The following P3H2 variants were observed in gnomAD, a reference collection of about 807,000 sequenced individuals.
P3H2 encodes leprecan-like 1.
In P3H2, 80 loss-of-function variants were observed where a neutral mutation model predicts 87.0. The observed-to-expected ratio is 0.92, with a 90% CI of 0.77 to 1.11. The LOEUF (loss-of-function observed/expected upper bound fraction) is 1.11. Among genes scored for constraint, P3H2 ranks in the 50% least tolerant of loss-of-function variants. The pLI, the probability that P3H2 is intolerant of heterozygous loss-of-function variation, is 0.00. For synonymous variants in P3H2, 367 were observed against 359.3 expected, an observed-to-expected ratio of 1.02 and a Z score of -0.24; for missense variants, 1,001 against 923.9, an observed-to-expected ratio of 1.08 and a Z score of -1.08.
intron 1 of P3H2, among the ~76,000 whole-genome samples, chr3:190,007,809 ATTTT>A: frequency 6.9e-6 from 1 of 144,244 alleles, no homozygotes; most frequent in East Asian, 2.0e-4. Context: ...CAGCGTTCAG[ATTTT>A]TTTTTTTTTA....
At chr3:190,050,739 AT>A (rs1039434555) in intron 1 of P3H2, among the ~76,000 whole-genome samples, 3 of 152,190 alleles carry the variant, frequency 2.0e-5, no homozygotes, top group African/African-American at 7.2e-5. Context: ...AAAATTGGTC[AT>A]CTTTTCTCAG....
At position 189,964,111 on chromosome 3, in the gene P3H2, G is replaced by A. The variant is rs1397273343; in HGVS notation, c.1894-13C>T. On this transcript the variant is annotated splice_polypyrimidine_tract_variant and intron_variant, in intron 13 of 14. Coordinates refer to ENST00000319332, the MANE Select transcript of P3H2 (RefSeq NM_018192.4). ...GTTTTATAGAGGCCTGAGAAAGAAA[G>A]CAAAAATTAGACTTTCAATTGTTGT... The A allele has an allele frequency of 6.2e-7, 1 of 1,612,174 alleles. No individual in the cohort carries two copies. The highest frequency in any genetic ancestry group is 2.2e-5 in the East Asian group (1 of 44,872).
chr3:190,058,634 G>A (rs1726241887), intron 1 of P3H2, among the ~76,000 whole-genome samples: 1 of 152,176 alleles, frequency 6.6e-6, no homozygotes, highest in African/African-American at 2.4e-5. Context: ...CAACATTACT[G>A]GAAGCTGTGG....
At chr3:189,962,970 C>T (rs1454935436) in intron 14 of P3H2, among the ~76,000 whole-genome samples, 4 of 152,186 alleles carry the variant, frequency 2.6e-5, no homozygotes, top group Admixed American at 6.5e-5. Flanking sequence ...GCCTCTGCTA[C>T]GATGTTTTAG....
At chr3:189,959,320 A>G (rs1393066992) in intron 14 of P3H2, among the ~76,000 whole-genome samples, 1 of 150,904 alleles carries the variant, frequency 6.6e-6, no homozygotes, top group African/African-American at 2.4e-5. Context: ...TTAGTTACAT[A>G]TGTATACATG....
intron 1 of P3H2, among the ~76,000 whole-genome samples, chr3:190,109,840 CCAGT>C (rs1356851681): frequency 1.5e-5 from 2 of 135,616 alleles, no homozygotes; most frequent in Non-Finnish European, 3.1e-5. Context: ...ACCTTGATGC[CCAGT>C]CTTTTTTTTT....
chr3:190,098,724 A>T (rs556988290), intron 1 of P3H2, among the ~76,000 whole-genome samples: 59 of 152,330 alleles, frequency 3.9e-4, no homozygotes, highest in Non-Finnish European at 7.1e-4. Flanking sequence ...TTGATCATTC[A>T]TAATTTATTA....
intron 1 of P3H2, among the ~76,000 whole-genome samples, chr3:190,082,099 T>C (rs1727062675): frequency 6.6e-6 from 1 of 151,976 alleles, no homozygotes; most frequent in Non-Finnish European, 1.5e-5. Flanking sequence ...CTACTAAAGA[T>C]ATAAAAATTA....
At chr3:190,045,906 G>A (rs1217901059) in intron 1 of P3H2, among the ~76,000 whole-genome samples, 1 of 152,114 alleles carries the variant, frequency 6.6e-6, no homozygotes, top group East Asian at 1.9e-4. Context: ...CAGATCACGA[G>A]GTCAGGAGAT....
rs577701027 is a variant in P3H2 at position 190,120,372 on chromosome 3, A to G, written c.360T>C (p.Tyr120=). Residue 120 remains tyrosine (Y), a synonymous_variant, in exon 1 of 15, where the codon TAT becomes TAC. Transcript: ENST00000319332. Reference sequence around the variant, plus strand: ...CGAGGCGCTGGGTCTCACAGCTGCGATAACAGCGCGCCCGCCCCAACAAGG... The same window carrying G: ...CGAGGCGCTGGGTCTCACAGCTGCGGTAACAGCGCGCCCGCCCCAACAAGG... ...FRSLLGRARC[Y]RSCETQRLGG... 8.4e-6 allele frequency: 13 copies of G among 1,552,222 alleles called. No homozygotes were observed. The highest frequency in any genetic ancestry group is 7.2e-5 in the East Asian group (3 of 41,736).
At chr3:190,033,091 T>G (rs1012737894) in intron 1 of P3H2, among the ~76,000 whole-genome samples, 3 of 152,318 alleles carry the variant, frequency 2.0e-5, no homozygotes, top group South Asian at 2.1e-4. Flanking sequence ...ATCCCCCACA[T>G]GCAAAGTTCA....
At chr3:190,104,205 C>A (rs1179481555) in intron 1 of P3H2, among the ~76,000 whole-genome samples, 1 of 152,144 alleles carries the variant, frequency 6.6e-6, no homozygotes, top group Non-Finnish European at 1.5e-5. Flanking sequence ...ATTTAGAAAG[C>A]ATGCTCTCTC....
intron 1 of P3H2, among the ~76,000 whole-genome samples, chr3:190,092,472 T>A (rs1727439427): frequency 6.6e-6 from 1 of 152,192 alleles, no homozygotes; most frequent in Non-Finnish European, 1.5e-5. Context: ...AGGAACGAAG[T>A]CTAGAAAATA....
intron 1 of P3H2, among the ~76,000 whole-genome samples, chr3:190,034,672 G>A (rs1725360602): frequency 6.6e-6 from 1 of 152,046 alleles, no homozygotes; most frequent in South Asian, 2.1e-4. Flanking sequence ...AATTTTGGGT[G>A]GTGACGTAAC....
chr3:189,988,133 T>G (rs1723763711), intron 4 of P3H2, among the ~76,000 whole-genome samples: 1 of 152,192 alleles, frequency 6.6e-6, no homozygotes, highest in Non-Finnish European at 1.5e-5. Flanking sequence ...AACTGGTACT[T>G]CAATGCAAAG....
intron 1 of P3H2, among the ~76,000 whole-genome samples, chr3:190,018,526 A>G (rs1251660196): frequency 4.6e-5 from 7 of 152,050 alleles, no homozygotes; most frequent in Admixed American, 4.6e-4. Context: ...TGGGCAACAT[A>G]GCAAGACCAC....
At position 190,064,155 on chromosome 3, in the gene P3H2, C is replaced by CTT. The variant is rs78204073; in HGVS notation, c.480+56095_480+56096dup. Among the ~76,000 whole-genome samples, 405 of 142,724 alleles carry CTT rather than the reference C, an allele frequency of 2.8e-3. 2 individuals carry two copies. Among genetic ancestry groups the CTT allele is most frequent in the African/African-American group, 1.0e-2 (385 of 38,634 alleles). 93.6% of individuals were successfully genotyped at this position (142,724 alleles called of 152,430 possible). A position where few individuals can be genotyped will look rare whatever the true frequency, so the allele number is the denominator to read the frequency against. ...TACAGGCACACACCACCACACCTAA[C>CTT]TTTTTTTTTTTTTTAATTTTTAGTG... is the stretch of plus-strand genomic sequence containing the variant. On this transcript the variant is annotated intron_variant, in intron 1 of 14. Transcript: ENST00000319332.
At chr3:190,037,499 T>C (rs1324665922) in intron 1 of P3H2, among the ~76,000 whole-genome samples, 1 of 152,156 alleles carries the variant, frequency 6.6e-6, no homozygotes, top group Non-Finnish European at 1.5e-5. Context: ...GTGGCTCAGA[T>C]TTTAGCAAAT....
At chr3:190,117,643 A>G (rs1712342060) in intron 1 of P3H2, among the ~76,000 whole-genome samples, 3 of 136,532 alleles carry the variant, frequency 2.2e-5, no homozygotes, top group South Asian at 4.6e-4. Flanking sequence ...ATTATTTGAG[A>G]GGTTTTTTTT....
Sources: allele counts gnomAD v4.1 joint callset (sites outside exome capture counted in the v4.1 genomes callset), GRCh38; gene constraint gnomAD v4.1.1; transcripts MANE v1.5; gene names NCBI Gene and HGNC (gene_info 2026-07-23, HGNC 2026-07-21).